EAF2: variants seen among roughly 807,000 people sequenced by gnomAD.
EAF2 encodes ELL-associated factor 2.
EAF2 carries 29 observed loss-of-function variants against 29.4 expected under a neutral mutation model. That is an observed-to-expected ratio of 0.99 (90% confidence interval 0.73 to 1.35). The LOEUF (loss-of-function observed/expected upper bound fraction) is 1.35. EAF2 is among the 40% of genes most tolerant of loss of function. The pLI is 0.00. For synonymous variants in EAF2, 103 were observed against 102.5 expected (o/e 1.00, Z -0.03); for missense variants, 292 against 312.0 (o/e 0.94, Z 0.48).
chr3:121,850,384 A>G (rs1371108511), intron 2 of EAF2, among the ~76,000 whole-genome samples: 1 of 148,202 alleles, frequency 6.7e-6, no homozygotes, highest in Non-Finnish European at 1.5e-5. Flanking sequence ...GAGTACTAGT[A>G]TACTTTTCCA....
chr3:121,856,919 A>G, intron 3 of EAF2, 92 bp from the exon 4 acceptor site: 1 of 1,024,102 alleles, frequency 9.8e-7, no homozygotes, highest in Non-Finnish European at 1.4e-6. Flanking sequence ...GTTTAGGAAA[A>G]GAATAAGTGG....
At chr3:121,843,394 G>A (rs911501179) in intron 1 of EAF2, among the ~76,000 whole-genome samples, 4 of 151,906 alleles carry the variant, frequency 2.6e-5, no homozygotes, top group Non-Finnish European at 4.4e-5. Flanking sequence ...CTGTCTTTGG[G>A]GCCTTTTTGT....
intron 2 of EAF2, among the ~76,000 whole-genome samples, chr3:121,852,036 G>A (rs1708644239): frequency 6.6e-6 from 1 of 152,152 alleles, no homozygotes; most frequent in East Asian, 1.9e-4. Context: ...GGCAGGTGTA[G>A]AGATTATGAA....
chr3:121,872,760 C>A lies in EAF2; in HGVS notation c.708C>A (p.Asp236Glu). 1 of 1,611,848 alleles carries A rather than the reference C, an allele frequency of 6.2e-7. No homozygotes were observed. The highest frequency in any genetic ancestry group is 8.5e-7 in the Non-Finnish European group (1 of 1,178,712). Reference protein sequence around the residue: ...DIDASHNRFRDNSGLLMNTLR... With the variant: ...DIDASHNRFRENSGLLMNTLR... ...ATGCCAGTCATAATAGATTTCGAGA[C>A]AACAGTGGCCTTCTGATGAATACTT... Residue 236 changes from aspartate (D) to glutamate (E), a missense_variant, in exon 5 of 6, where the codon GAC becomes GAA. Transcript: ENST00000273668.
intron 2 of EAF2, among the ~76,000 whole-genome samples, chr3:121,845,864 T>C (rs1457638572): frequency 6.6e-6 from 1 of 152,188 alleles, no homozygotes; most frequent in Non-Finnish European, 1.5e-5. Flanking sequence ...CCAAATACTA[T>C]TCGCATACAA....
chr3:121,847,214 C>G (rs912434068), intron 2 of EAF2, among the ~76,000 whole-genome samples: 7 of 152,216 alleles, frequency 4.6e-5, no homozygotes, highest in African/African-American at 1.7e-4. Context: ...CAGGAAATAA[C>G]TGATTAAAAT....
intron 2 of EAF2, among the ~76,000 whole-genome samples, chr3:121,852,689 C>G (rs1386477818): frequency 6.6e-6 from 1 of 152,142 alleles, no homozygotes; most frequent in African/African-American, 2.4e-5. Context: ...TAGTAAATCT[C>G]TAATGATTAA....
At chr3:121,871,169 T>TATATAATATA (rs575947641) in intron 4 of EAF2, among the ~76,000 whole-genome samples, 1 of 151,352 alleles carries the variant, frequency 6.6e-6, no homozygotes, top group Non-Finnish European at 1.5e-5. Context: ...GTGGTATATT[T>TATATAATATA]ATATAATATA....
At chr3:121,846,965 T>C (rs912112570) in intron 2 of EAF2, among the ~76,000 whole-genome samples, 13 of 152,188 alleles carry the variant, frequency 8.5e-5, no homozygotes, top group African/African-American at 3.1e-4. Flanking sequence ...GCCTGTGAAT[T>C]GTAAATTTCA....
chr3:121,878,553 C>T (rs557688025), intron 5 of EAF2, among the ~76,000 whole-genome samples: 2 of 152,142 alleles, frequency 1.3e-5, no homozygotes, highest in South Asian at 4.2e-4. Context: ...TCTGTTTATC[C>T]TTGTCTTCAC....
chr3:121,870,765 A>G (rs920541473), intron 4 of EAF2, among the ~76,000 whole-genome samples: 1 of 152,200 alleles, frequency 6.6e-6, no homozygotes, highest in African/African-American at 2.4e-5. Flanking sequence ...AGGCTTTTCA[A>G]AAAAGATATT....
chr3:121,886,261 A>G, intron 5 of EAF2, 81 bp from the exon 6 acceptor site: 1 of 906,046 alleles, frequency 1.1e-6, no homozygotes, highest in Non-Finnish European at 1.6e-6. Flanking sequence ...TGGGGGCTAT[A>G]TTTTGTGTAA....
chr3:121,849,494 T>C (rs777221676), intron 2 of EAF2, among the ~76,000 whole-genome samples: 12 of 152,228 alleles, frequency 7.9e-5, no homozygotes, highest in Non-Finnish European at 1.2e-4. Context: ...GGTGCTGAGA[T>C]TGGCATATTT....
chr3:121,876,465 AC>A (rs1361443139), intron 5 of EAF2, among the ~76,000 whole-genome samples: 1 of 151,988 alleles, frequency 6.6e-6, no homozygotes, highest in Non-Finnish European at 1.5e-5. Context: ...ACAGTAGTGA[AC>A]AAAAAAATAG....
chr3:121,840,805 C>CAAAAAAAAA (rs5852282), intron 1 of EAF2, among the ~76,000 whole-genome samples: 1 of 86,898 alleles, frequency 1.2e-5, no homozygotes. Context: ...GACTCCGTCT[C>CAAAAAAAAA]AAAAAAAAAA....
intron 1 of EAF2, among the ~76,000 whole-genome samples, chr3:121,843,917 T>C (rs911221945): frequency 1.3e-5 from 2 of 152,174 alleles, no homozygotes; most frequent in African/African-American, 2.4e-5. Flanking sequence ...GTATTTGCTA[T>C]GTATTCATTC....
At chr3:121,848,031 T>C (rs1157262142) in intron 2 of EAF2, among the ~76,000 whole-genome samples, 1 of 152,224 alleles carries the variant, frequency 6.6e-6, no homozygotes, top group Non-Finnish European at 1.5e-5. Flanking sequence ...AAAGTGCCTG[T>C]GTTCATTGTG....
chr3:121,846,928 A>T (rs953524085), intron 2 of EAF2, among the ~76,000 whole-genome samples: 5 of 152,186 alleles, frequency 3.3e-5, no homozygotes, highest in African/African-American at 1.2e-4. Context: ...TAAAGGAAGC[A>T]CAGTTACAGG....
At chr3:121,841,920 C>T (rs1163482080) in intron 1 of EAF2, among the ~76,000 whole-genome samples, 1 of 152,056 alleles carries the variant, frequency 6.6e-6, no homozygotes. Context: ...GCAGAAGAAT[C>T]GCTTGAACCC....
Sources: allele counts gnomAD v4.1 joint callset (sites outside exome capture counted in the v4.1 genomes callset), GRCh38; gene constraint gnomAD v4.1.1; transcripts MANE v1.5; gene names NCBI Gene and HGNC (gene_info 2026-07-23, HGNC 2026-07-21).